The following TCF4 variants were observed in gnomAD, a reference collection of about 807,000 sequenced individuals.
TCF4 encodes the protein SL3-3 enhancer factor 2.
A neutral mutation model predicts 82.1 loss-of-function variants in TCF4; 3 were observed. The ratio of observed to expected loss-of-function variants is 0.04; its 90% CI spans 0.02 to 0.09. The LOEUF (loss-of-function observed/expected upper bound fraction) is 0.09, where lower values mean the gene tolerates loss of function less well. Ranked by LOEUF, TCF4 falls within the 10% of genes least tolerant of loss-of-function variation. The pLI is 1.00. For missense variants in TCF4, 518 were observed against 852.7 expected (o/e 0.61, Z 4.89); for synonymous variants, 276 against 309.6 (o/e 0.89, Z 1.14).
intron 2 of TCF4, chr18:55,586,144 G>GCAGCAGC: frequency 7.6e-7 from 1 of 1,322,512 alleles, no homozygotes; most frequent in Admixed American, 2.2e-5. Context: ...GAAGGAGGAG[G>GCAGCAGC]AGGAGGAGGA....
At chr18:55,357,965 C>A (rs1340832313) in intron 6 of TCF4, among the ~76,000 whole-genome samples, 3 of 152,234 alleles carry the variant, frequency 2.0e-5, no homozygotes, top group African/African-American at 7.2e-5. Flanking sequence ...ATCTTCAACT[C>A]ATCCTGAAAT....
intron 8 of TCF4, among the ~76,000 whole-genome samples, chr18:55,319,099 G>A (rs2074866715): frequency 6.6e-6 from 1 of 152,172 alleles, no homozygotes; most frequent in Non-Finnish European, 1.5e-5. Flanking sequence ...ACAAATAGCT[G>A]ACCACACTTA....
At chr18:55,366,783 T>C (rs1181037660) in intron 6 of TCF4, among the ~76,000 whole-genome samples, 1 of 152,224 alleles carries the variant, frequency 6.6e-6, no homozygotes, top group Non-Finnish European at 1.5e-5. Flanking sequence ...TTGTTTGCCA[T>C]AGGGTCATTT....
rs1292126494 is a variant in TCF4 at position 55,222,273 on chromosome 18, A to AT, written c.*5761dup. On this transcript the variant is annotated 3_prime_UTR_variant, in exon 20 of 20. Transcript: ENST00000354452. ...AGATACTGTAGGGGTGCACAGGCACATTCCCCCCCACCCCTTTTCAGTAGT... is the reference window on the plus strand; with the variant it reads ...AGATACTGTAGGGGTGCACAGGCACATTTCCCCCCCACCCCTTTTCAGTAGT... The AT allele has an allele frequency of 1.3e-5, 2 of 152,238 alleles. No homozygotes were observed. Among genetic ancestry groups the AT allele is most frequent in the Non-Finnish European group, 2.9e-5 (2 of 68,038 alleles). 9.4% of individuals were successfully genotyped at this position (152,238 alleles called of 1,614,324 possible).
intron 3 of TCF4, among the ~76,000 whole-genome samples, chr18:55,545,369 T>C (rs1333578566): frequency 2.0e-5 from 3 of 152,226 alleles, no homozygotes; most frequent in Non-Finnish European, 1.5e-5. Flanking sequence ...AAATGAACCT[T>C]GGCTCTTAAA....
chr18:55,599,158 G>C (rs1393299331), intron 2 of TCF4, among the ~76,000 whole-genome samples: 1 of 152,218 alleles, frequency 6.6e-6, no homozygotes, highest in Admixed American at 6.5e-5. Flanking sequence ...TTCTCAACTG[G>C]TGGGGAGGGA....
At chr18:55,379,792 A>G (rs1338063378) in intron 6 of TCF4, among the ~76,000 whole-genome samples, 2 of 152,180 alleles carry the variant, frequency 1.3e-5, no homozygotes, top group African/African-American at 2.4e-5. Context: ...AGCCTAAACA[A>G]CAAGCATTTA....
chr18:55,305,773 A>G (rs1450648740), intron 8 of TCF4, among the ~76,000 whole-genome samples: 1 of 152,210 alleles, frequency 6.6e-6, no homozygotes, highest in Non-Finnish European at 1.5e-5. Context: ...AAATTCTAAC[A>G]AAAGCAATGT....
intron 6 of TCF4, among the ~76,000 whole-genome samples, chr18:55,358,026 C>G (rs1268110529): frequency 6.6e-6 from 1 of 152,140 alleles, no homozygotes; most frequent in Non-Finnish European, 1.5e-5. Flanking sequence ...TCAAGCCAGT[C>G]TGCACTCGAT....
intron 6 of TCF4, among the ~76,000 whole-genome samples, chr18:55,397,099 T>A (rs1386281458): frequency 6.6e-6 from 1 of 152,208 alleles, no homozygotes; most frequent in African/African-American, 2.4e-5. Flanking sequence ...AAAGACTATT[T>A]GTTAATTGCA....
intron 3 of TCF4, among the ~76,000 whole-genome samples, chr18:55,534,865 G>T (rs1044746255): frequency 5.3e-5 from 8 of 152,164 alleles, no homozygotes; most frequent in Admixed American, 2.6e-4. Flanking sequence ...TCCACTACAT[G>T]ACTGTGAGCA....
At chr18:55,619,139 GT>G (rs1056168215) in intron 2 of TCF4, among the ~76,000 whole-genome samples, 15 of 150,252 alleles carry the variant, frequency 1.0e-4, no homozygotes, top group Non-Finnish European at 1.9e-4. Context: ...GTTGTTTTAT[GT>G]TTGTTTGTTT....
At chr18:55,510,032 C>T (rs2096807817) in intron 3 of TCF4, among the ~76,000 whole-genome samples, 1 of 152,176 alleles carries the variant, frequency 6.6e-6, no homozygotes, top group Admixed American at 6.5e-5. Flanking sequence ...ATTTTTAACA[C>T]TGGTCTTCCA....
chr18:55,368,715 A>C (rs539986999), intron 6 of TCF4, among the ~76,000 whole-genome samples: 98 of 152,294 alleles, frequency 6.4e-4, no homozygotes, highest in Middle Eastern at 6.8e-3. Context: ...TTTCTACAGG[A>C]AAATGGACCC....
intron 6 of TCF4, among the ~76,000 whole-genome samples, chr18:55,397,877 C>T (rs1254513890): frequency 2.0e-5 from 3 of 152,122 alleles, no homozygotes; most frequent in Non-Finnish European, 4.4e-5. Flanking sequence ...TATACATACA[C>T]ACAAGAAAAT....
At chr18:55,329,569 T>C (rs566195510) in intron 8 of TCF4, among the ~76,000 whole-genome samples, 15 of 152,186 alleles carry the variant, frequency 9.9e-5, no homozygotes, top group Non-Finnish European at 2.2e-4. Flanking sequence ...AAAATAAGAA[T>C]GATTTGGGAA....
rs865968740 is a variant in TCF4 at position 55,449,411 on chromosome 18, T to C, written c.304+11608A>G. On this transcript the variant is annotated intron_variant, in intron 5 of 19. Coordinates refer to ENST00000354452, the MANE Select transcript of TCF4 (RefSeq NM_001083962.2). ...GAATTTAATCCTGTCAGTAGACCAA[T>C]TGTTAAAGCTTTCAAAAACACGGAT... Among the ~76,000 whole-genome samples the C allele has an allele frequency of 3.9e-4, 59 of 152,324 alleles. 1 individual carries two copies. In the Middle Eastern group the frequency reaches 0.017, roughly 44 times the overall value.
chr18:55,536,084 G>A (rs939387842), intron 3 of TCF4, among the ~76,000 whole-genome samples: 5 of 151,998 alleles, frequency 3.3e-5, no homozygotes, highest in South Asian at 2.1e-4. Context: ...CTAAAGTTGC[G>A]TTATTTTTCA....
chr18:55,303,371 C>T (rs1052907483), intron 8 of TCF4, among the ~76,000 whole-genome samples: 1 of 151,954 alleles, frequency 6.6e-6, no homozygotes, highest in African/African-American at 2.4e-5. Flanking sequence ...GTAGGATTAT[C>T]ACCTCCAATT....
Sources: gnomAD v4.1 joint callset for allele counts (sites outside exome capture counted in the v4.1 genomes callset) on GRCh38, gnomAD v4.1.1 for gene constraint, MANE v1.5 for transcripts, NCBI Gene and HGNC (gene_info 2026-07-23, HGNC 2026-07-21) for gene names.